Variants in LRRC4C observed in about 807,000 individuals in gnomAD.
The protein encoded by LRRC4C is leucine rich repeat containing 4C, also known as leucine-rich repeat-containing protein 4C.
Under a neutral mutation model 33.6 loss-of-function variants are expected in LRRC4C, and 5 were observed. The ratio of observed to expected loss-of-function variants is 0.15; its 90% CI spans 0.08 to 0.31. The LOEUF (loss-of-function observed/expected upper bound fraction) is 0.31, where lower values mean the gene tolerates loss of function less well. Among genes scored for constraint, LRRC4C ranks in the 10% least tolerant of loss-of-function variants. LRRC4C has a pLI of 1.00. For synonymous variants in LRRC4C, 329 were observed against 302.0 expected (o/e 1.09, Z -0.93); for missense variants, 560 against 796.7 (o/e 0.70, Z 3.58).
chr11:40,406,133 T>A (rs764127383), intron 3 of LRRC4C, among the ~76,000 whole-genome samples: 33 of 152,146 alleles, frequency 2.2e-4, no homozygotes, highest in Non-Finnish European at 3.4e-4. Context: ...TTTCTAAAGC[T>A]ATAGTAAACT....
At chr11:40,661,974 T>A (rs907393898) in intron 2 of LRRC4C, among the ~76,000 whole-genome samples, 1 of 152,210 alleles carries the variant, frequency 6.6e-6, no homozygotes, top group South Asian at 2.1e-4. Flanking sequence ...AGAAAAGGAA[T>A]GAGGAAGCTG....
chr11:40,222,163 G>A (rs1864468184), intron 5 of LRRC4C, among the ~76,000 whole-genome samples: 1 of 152,046 alleles, frequency 6.6e-6, no homozygotes, highest in African/African-American at 2.4e-5. Context: ...ACCCAGTAAC[G>A]GCAAGTAATT....
intron 1 of LRRC4C, among the ~76,000 whole-genome samples, chr11:41,329,751 AT>A (rs1459814124): frequency 2.6e-5 from 4 of 152,172 alleles, no homozygotes; most frequent in Non-Finnish European, 5.9e-5. Flanking sequence ...AGTTTTGGAA[AT>A]GTGGAGCTTT....
intron 1 of LRRC4C, among the ~76,000 whole-genome samples, chr11:40,942,732 G>A (rs1234313035): frequency 3.3e-5 from 5 of 152,130 alleles, no homozygotes; most frequent in Admixed American, 3.3e-4. Context: ...CTGCACTGCA[G>A]AAAGATTCCT....
At chr11:40,767,234 A>C (rs1949519345) in intron 2 of LRRC4C, among the ~76,000 whole-genome samples, 1 of 152,132 alleles carries the variant, frequency 6.6e-6, no homozygotes, top group South Asian at 2.1e-4. Flanking sequence ...CAAAGGAGGT[A>C]ATTATGTAAT....
At chr11:40,493,696 T>C (rs993347612) in intron 3 of LRRC4C, among the ~76,000 whole-genome samples, 1 of 152,232 alleles carries the variant, frequency 6.6e-6, no homozygotes, top group African/African-American at 2.4e-5. Flanking sequence ...TAGTGAATTA[T>C]AGGCACTCTT....
At chr11:41,135,238 C>T (rs1261647089) in intron 1 of LRRC4C, among the ~76,000 whole-genome samples, 5 of 152,068 alleles carry the variant, frequency 3.3e-5, no homozygotes, top group Non-Finnish European at 5.9e-5. Context: ...GGCTGTGTTC[C>T]ATTTCTGCCT....
At chr11:40,627,072 CTGT>C (rs774798430) in intron 3 of LRRC4C, among the ~76,000 whole-genome samples, 2,154 of 106,352 alleles carry the variant, frequency 0.02, 18 homozygotes, top group South Asian at 0.052. Flanking sequence ...GTCAGCTATA[CTGT>C]TTTTTTTTTT....
At chr11:41,414,697 G>C (rs1363549530) in intron 1 of LRRC4C, among the ~76,000 whole-genome samples, 1 of 152,110 alleles carries the variant, frequency 6.6e-6, no homozygotes, top group Non-Finnish European at 1.5e-5. Context: ...ACCTGGGAGA[G>C]AAGTGGGGAG....
chr11:41,110,934 C>T (rs1451848614), intron 1 of LRRC4C, among the ~76,000 whole-genome samples: 4 of 151,860 alleles, frequency 2.6e-5, no homozygotes, highest in African/African-American at 7.3e-5. Context: ...ATGAAGTTCA[C>T]CCCCAGAATT....
intron 1 of LRRC4C, among the ~76,000 whole-genome samples, chr11:41,146,112 T>C (rs769931129): frequency 3.3e-5 from 5 of 152,220 alleles, no homozygotes; most frequent in African/African-American, 4.8e-5. Context: ...TCTTCTAGAT[T>C]ACAAATTCTA....
chr11:41,163,809 A>G (rs930570790), intron 1 of LRRC4C, among the ~76,000 whole-genome samples: 3 of 147,478 alleles, frequency 2.0e-5, no homozygotes, highest in African/African-American at 7.5e-5. Flanking sequence ...ACGAGGTTTC[A>G]CCATGTTGGC....
intron 2 of LRRC4C, among the ~76,000 whole-genome samples, chr11:40,682,266 C>T (rs1239729597): frequency 2.1e-5 from 3 of 143,626 alleles, no homozygotes; most frequent in Admixed American, 6.7e-5. Context: ...TGAGGCCCCA[C>T]CTTGAAAAAA....
At chr11:41,216,187 A>G (rs1947054532) in intron 1 of LRRC4C, among the ~76,000 whole-genome samples, 1 of 152,196 alleles carries the variant, frequency 6.6e-6, no homozygotes, top group Non-Finnish European at 1.5e-5. Context: ...AAACAGGCTC[A>G]TTTACCCATC....
chr11:40,637,031 G>A (rs76175682), intron 3 of LRRC4C, among the ~76,000 whole-genome samples: 4,934 of 152,228 alleles, frequency 0.032, 114 homozygotes, highest in African/African-American at 0.056. Context: ...TTTAGCATCT[G>A]GGCCCCCAGA....
At chr11:40,925,969 T>G (rs1957392780) in intron 2 of LRRC4C, among the ~76,000 whole-genome samples, 1 of 152,178 alleles carries the variant, frequency 6.6e-6, no homozygotes, top group East Asian at 1.9e-4. Flanking sequence ...TTCCTTTGAG[T>G]GCTTATTTAA....
At chr11:41,046,246 C>A (rs1857767395) in intron 1 of LRRC4C, among the ~76,000 whole-genome samples, 1 of 152,106 alleles carries the variant, frequency 6.6e-6, no homozygotes, top group Non-Finnish European at 1.5e-5. Context: ...GTTTCTTCTT[C>A]ACAGCCATTC....
chr11:40,989,729 T>A (rs943473721), intron 1 of LRRC4C, among the ~76,000 whole-genome samples: 1 of 152,080 alleles, frequency 6.6e-6, no homozygotes, highest in Non-Finnish European at 1.5e-5. Flanking sequence ...CAGCTATAAG[T>A]TTTGCAGTGG....
chr11:40,890,941 C>T (rs1333288808), intron 2 of LRRC4C, among the ~76,000 whole-genome samples: 15 of 152,280 alleles, frequency 9.9e-5, no homozygotes, highest in Admixed American at 9.2e-4. Flanking sequence ...AGCTAGGTCT[C>T]TTCGAAACTT....
Sources: allele counts gnomAD v4.1 joint callset (sites outside exome capture counted in the v4.1 genomes callset), GRCh38; gene constraint gnomAD v4.1.1; transcripts MANE v1.5; gene names NCBI Gene and HGNC (gene_info 2026-07-23, HGNC 2026-07-21).